Variants in OCA2 observed in about 807,000 individuals in gnomAD.
The protein encoded by OCA2 is P protein.
Under a neutral mutation model 100.2 loss-of-function variants are expected in OCA2, and 77 were observed. That is an observed-to-expected ratio of 0.77 (90% CI 0.64 to 0.93). The LOEUF (loss-of-function observed/expected upper bound fraction) is 0.93, where lower values mean the gene tolerates loss of function less well. Ranked by LOEUF, OCA2 falls within the 40% of genes least tolerant of loss-of-function variation. The probability of loss-of-function intolerance (pLI) is 0.00; values close to 1 mark genes in which losing one functional copy is unlikely to be tolerated. For missense variants in OCA2, 1,062 were observed against 1,089.1 expected (o/e 0.98, Z 0.35); for synonymous variants, 432 against 439.2 (o/e 0.98, Z 0.21).
At chr15:27,909,626 T>G (rs75467274) in intron 19 of OCA2, among the ~76,000 whole-genome samples, 1 of 152,092 alleles carries the variant, frequency 6.6e-6, no homozygotes, top group Non-Finnish European at 1.5e-5. Flanking sequence ...TAGGATAAAA[T>G]TGACATCTCA....
intron 20 of OCA2, among the ~76,000 whole-genome samples, chr15:27,871,506 C>A (rs2036572474): frequency 6.6e-6 from 1 of 152,238 alleles, no homozygotes; most frequent in Admixed American, 6.5e-5. Context: ...AGTGACCCTG[C>A]CCCTCATCCC....
chr15:27,808,495 A>G (rs911779276), intron 23 of OCA2, among the ~76,000 whole-genome samples: 2 of 152,236 alleles, frequency 1.3e-5, no homozygotes, highest in Non-Finnish European at 2.9e-5. Context: ...ATGGGCTTTC[A>G]TAGAAGCTGG....
chr15:27,778,873 G>A (rs1172813418), intron 23 of OCA2, among the ~76,000 whole-genome samples: 1 of 152,152 alleles, frequency 6.6e-6, no homozygotes, highest in Admixed American at 6.5e-5. Context: ...AAAACATGCA[G>A]GAATTTCACT....
intron 19 of OCA2, among the ~76,000 whole-genome samples, chr15:27,902,470 G>C (rs2703980): frequency 0.15 from 22,296 of 152,108 alleles, 4,054 homozygotes; most frequent in African/African-American, 0.42. Context: ...AGTATAAATT[G>C]GTAAATTTGA....
Position 28,016,172 on chromosome 15 carries a change from C to T in OCA2, c.822G>A (p.Trp274Ter). ...TTCTCCTCGGATTTAAATACACCGT[C>T]CAGTTGTGAGTGACCTGTACAAGCC... is the stretch of plus-strand genomic sequence containing the variant. Reference protein sequence around the residue: ...WRRPQQVTHNWTVYLNPRRSE... With the variant: ...WRRPQQVTHN Residue 274 changes from tryptophan to a stop codon, truncating the protein, a stop_gained, in exon 8 of 24, where the codon TGG becomes TGA. Coordinates refer to ENST00000354638, the MANE Select transcript of OCA2 (RefSeq NM_000275.3). LOFTEE classifies it high-confidence loss of function. 6.2e-7 allele frequency: 1 copy of T among 1,614,002 alleles called. No individual in the cohort carries two copies. The highest frequency in any genetic ancestry group is 8.5e-7 in the Non-Finnish European group (1 of 1,179,988).
At chr15:28,069,044 C>A (rs571677998) in intron 2 of OCA2, among the ~76,000 whole-genome samples, 8 of 152,230 alleles carry the variant, frequency 5.3e-5, no homozygotes, top group African/African-American at 1.9e-4. Context: ...GACAAGGATG[C>A]ACATTTTCAC....
chr15:28,045,461 T>C (rs1226545085), intron 2 of OCA2, among the ~76,000 whole-genome samples: 1 of 152,218 alleles, frequency 6.6e-6, no homozygotes. Context: ...ATTTTGATTA[T>C]TTTTATTTCA....
intron 15 of OCA2, among the ~76,000 whole-genome samples, chr15:27,959,794 C>T (rs1379159046): frequency 6.6e-6 from 1 of 152,212 alleles, no homozygotes; most frequent in Non-Finnish European, 1.5e-5. Context: ...ACACCCAGCA[C>T]CTACCTGCCT....
chr15:27,822,782 CA>C (rs1473667115), intron 23 of OCA2, among the ~76,000 whole-genome samples: 3 of 152,166 alleles, frequency 2.0e-5, no homozygotes, highest in Non-Finnish European at 4.4e-5. Flanking sequence ...TCCATGGTGT[CA>C]CTATGAATCC....
At chr15:27,738,617 C>T in the OCA2 span, among the ~76,000 whole-genome samples, 3 of 151,926 alleles carry the variant, frequency 2.0e-5, no homozygotes, top group African/African-American at 7.3e-5. Flanking sequence ...CGCCTGTAGT[C>T]CCAGCTACTC....
chr15:27,966,924 T>C, intron 14 of OCA2, 102 bp from the exon 15 acceptor site: 1 of 1,277,206 alleles, frequency 7.8e-7, no homozygotes, highest in Non-Finnish European at 1.1e-6. Flanking sequence ...GGTCCGGAGA[T>C]GGAGACCATC....
chr15:27,757,199 T>A (rs922762039), intron 23 of OCA2, among the ~76,000 whole-genome samples: 1 of 152,232 alleles, frequency 6.6e-6, no homozygotes, highest in African/African-American at 2.4e-5. Flanking sequence ...TGCATCAGTC[T>A]AACTCTAGTT....
chr15:27,871,530 C>T (rs1001467069), intron 20 of OCA2, among the ~76,000 whole-genome samples: 3 of 152,208 alleles, frequency 2.0e-5, no homozygotes, highest in African/African-American at 7.2e-5. Flanking sequence ...GTGGTGGCTG[C>T]GCACACTGGT....
chr15:28,049,335 GTATA>G (rs1362368255), intron 2 of OCA2, among the ~76,000 whole-genome samples: 1 of 152,204 alleles, frequency 6.6e-6, no homozygotes, highest in Non-Finnish European at 1.5e-5. Context: ...ATGTTGGTGA[GTATA>G]TAGAGAAACC....
intron 19 of OCA2, among the ~76,000 whole-genome samples, chr15:27,876,291 C>T (rs544034289): frequency 3.6e-4 from 54 of 152,092 alleles, no homozygotes; most frequent in African/African-American, 1.1e-3. Context: ...TTAAATCAAC[C>T]TTGGATTTCT....
chr15:28,040,378 T>G (rs550921468), intron 2 of OCA2, among the ~76,000 whole-genome samples: 1 of 152,226 alleles, frequency 6.6e-6, no homozygotes, highest in African/African-American at 2.4e-5. Context: ...GGGAAATTTA[T>G]AGCTGTAAAT....
chr15:27,910,385 G>A (rs562879563), intron 19 of OCA2, among the ~76,000 whole-genome samples: 6 of 152,112 alleles, frequency 3.9e-5, no homozygotes, highest in African/African-American at 9.7e-5. Context: ...AATATTCACC[G>A]TAGTGTTGTT....
intron 19 of OCA2, among the ~76,000 whole-genome samples, chr15:27,906,444 G>C (rs2038180065): frequency 6.6e-6 from 1 of 152,088 alleles, no homozygotes; most frequent in Admixed American, 6.5e-5. Context: ...GAATAAAAAT[G>C]AATAAGTAAA....
chr15:27,776,168 T>A (rs1211211352), intron 23 of OCA2, among the ~76,000 whole-genome samples: 2 of 152,250 alleles, frequency 1.3e-5, no homozygotes, highest in African/African-American at 4.8e-5. Context: ...CATTTTAAAA[T>A]AGTTTCTCCC....
Sources: gnomAD v4.1 joint callset for allele counts (sites outside exome capture counted in the v4.1 genomes callset) on GRCh38, gnomAD v4.1.1 for gene constraint, MANE v1.5 for transcripts, NCBI Gene and HGNC (gene_info 2026-07-23, HGNC 2026-07-21) for gene names.